Variants in CHD9 observed in about 807,000 individuals in gnomAD.
The protein encoded by CHD9 is chromodomain helicase DNA binding protein 9.
Under a neutral mutation model 316.1 loss-of-function variants are expected in CHD9, and 77 were observed. The ratio of observed to expected loss-of-function variants is 0.24; its 90% CI spans 0.20 to 0.29. The LOEUF (loss-of-function observed/expected upper bound fraction) is 0.29. CHD9 is among the 10% of genes least tolerant of loss of function. The pLI is 1.00. For missense variants in CHD9, 2,763 were observed against 3,438.1 expected, an observed-to-expected ratio of 0.80 and a Z score of 4.91; for synonymous variants, 1,129 against 1,158.3, an observed-to-expected ratio of 0.97 and a Z score of 0.51.
intron 1 of CHD9, among the ~76,000 whole-genome samples, chr16:53,082,400 A>G (rs779138143): frequency 6.6e-6 from 1 of 151,886 alleles, no homozygotes; most frequent in Non-Finnish European, 1.5e-5. Context: ...GCCACACCCA[A>G]CTAATTTTTA....
At chr16:53,215,575 T>A (rs1318343476) in intron 3 of CHD9, among the ~76,000 whole-genome samples, 4 of 152,222 alleles carry the variant, frequency 2.6e-5, no homozygotes, top group African/African-American at 9.6e-5. Flanking sequence ...GACTTAAAAA[T>A]AGGCTCAGTA....
At chr16:53,148,121 C>T (rs1260347902) in intron 1 of CHD9, among the ~76,000 whole-genome samples, 1 of 152,064 alleles carries the variant, frequency 6.6e-6, no homozygotes, top group African/African-American at 2.4e-5. Context: ...GTAGGAGAAT[C>T]GTTTGAATCC....
At chr16:53,292,537 T>G (rs1388816681) in intron 28 of CHD9, among the ~76,000 whole-genome samples, 2 of 152,224 alleles carry the variant, frequency 1.3e-5, no homozygotes, top group Non-Finnish European at 2.9e-5. Flanking sequence ...GGCTTTTAGT[T>G]TATTTAAGTT....
chr16:53,318,997 TG>T (rs2057078390), intron 37 of CHD9, among the ~76,000 whole-genome samples: 1 of 152,240 alleles, frequency 6.6e-6, no homozygotes, highest in Non-Finnish European at 1.5e-5. Context: ...ATGCCACCTT[TG>T]TGGCTTATCT....
At chr16:53,280,583 G>T (rs1346940525) in intron 24 of CHD9, among the ~76,000 whole-genome samples, 1 of 151,720 alleles carries the variant, frequency 6.6e-6, no homozygotes, top group Non-Finnish European at 1.5e-5. Flanking sequence ...TATACTGCTC[G>T]GGAGATGGGT....
chr16:53,064,335 T>A (rs2033285338), intron 1 of CHD9, among the ~76,000 whole-genome samples: 1 of 152,222 alleles, frequency 6.6e-6, no homozygotes, highest in Non-Finnish European at 1.5e-5. Flanking sequence ...CTCTTCTTTA[T>A]TCTTGTTTCT....
chr16:53,115,489 C>T (rs1292621087), intron 1 of CHD9, among the ~76,000 whole-genome samples: 1 of 152,208 alleles, frequency 6.6e-6, no homozygotes, highest in Non-Finnish European at 1.5e-5. Context: ...TATTATTTTG[C>T]CAGTAATGGC....
intron 3 of CHD9, among the ~76,000 whole-genome samples, chr16:53,218,791 GAT>G (rs1462399095): frequency 6.6e-6 from 1 of 152,108 alleles, no homozygotes; most frequent in East Asian, 1.9e-4. Context: ...TTTCATGGGA[GAT>G]TGTTATTTAA....
intron 17 of CHD9, among the ~76,000 whole-genome samples, chr16:53,252,909 C>T (rs772935022): frequency 2.6e-5 from 4 of 151,956 alleles, no homozygotes; most frequent in African/African-American, 9.7e-5. Flanking sequence ...AAGATGTTGG[C>T]GTGGGTGCAG....
chr16:53,265,648 T>C (rs544557576), intron 20 of CHD9, among the ~76,000 whole-genome samples: 30 of 152,262 alleles, frequency 2.0e-4, no homozygotes, highest in African/African-American at 7.2e-4. Context: ...AACTCTAATT[T>C]GTGATAAAAG....
chr16:53,166,142 T>C (rs974636971), intron 2 of CHD9, among the ~76,000 whole-genome samples: 7 of 152,198 alleles, frequency 4.6e-5, no homozygotes, highest in African/African-American at 1.7e-4. Flanking sequence ...TAAAATGTTC[T>C]ATTTTAACTG....
chr16:53,197,606 A>G (rs143971643), intron 2 of CHD9, among the ~76,000 whole-genome samples: 200 of 151,402 alleles, frequency 1.3e-3, no homozygotes, highest in African/African-American at 4.7e-3. Flanking sequence ...CCAGAATTGA[A>G]TGGGACTAAG....
chr16:53,235,100 G>A (rs541912826), intron 10 of CHD9, 85 bp from the exon 11 acceptor site: 3 of 1,102,242 alleles, frequency 2.7e-6, no homozygotes, highest in African/African-American at 3.2e-5. Flanking sequence ...ATGCCTCTTA[G>A]GGTTATTTTT....
intron 5 of CHD9, 73 bp downstream of exon 5, chr16:53,226,585 T>G: frequency 6.6e-7 from 1 of 1,513,672 alleles, no homozygotes; most frequent in East Asian, 2.4e-5. Context: ...TGCATTGTTT[T>G]TCCTACTAAA....
chr16:53,152,425 A>G lies in CHD9; in HGVS notation c.-164-3501A>G, dbSNP rs188889124. On this transcript the variant is annotated intron_variant, in intron 1 of 38. Transcript: ENST00000447540. ...CTGTCTAGTCTGTCATTTTGCTGGC[A>G]TCACTCTCTCATGCTTGGCTTTTTA... is the stretch of plus-strand genomic sequence containing the variant. Among the ~76,000 whole-genome samples, 7 of 152,322 alleles carry G rather than the reference A, an allele frequency of 4.6e-5. No individual in the cohort carries two copies. In the East Asian group the frequency reaches 1.3e-3, roughly 29 times the overall value.
intron 38 of CHD9, among the ~76,000 whole-genome samples, 190 bp from the exon 39 acceptor site, chr16:53,323,830 A>T (rs1284008360): frequency 2.6e-5 from 4 of 152,170 alleles, no homozygotes; most frequent in Non-Finnish European, 5.9e-5. Flanking sequence ...TAAAATGAAA[A>T]GTGGAAGAGC....
At chr16:53,183,264 G>C (rs887210987) in intron 2 of CHD9, among the ~76,000 whole-genome samples, 2 of 152,100 alleles carry the variant, frequency 1.3e-5, no homozygotes, top group African/African-American at 4.8e-5. Flanking sequence ...AAACATTATG[G>C]ATAACCATTG....
intron 1 of CHD9, among the ~76,000 whole-genome samples, chr16:53,114,291 T>C (rs550721642): frequency 6.6e-6 from 1 of 152,320 alleles, no homozygotes; most frequent in Admixed American, 6.5e-5. Context: ...GGAGTCTCGC[T>C]CTGTTGCCCA....
chr16:53,212,807 C>G (rs956382721), intron 3 of CHD9, among the ~76,000 whole-genome samples: 13 of 152,172 alleles, frequency 8.5e-5, no homozygotes, highest in Admixed American at 2.0e-4. Context: ...CTAACATCCT[C>G]ATGCTTTAGG....
Sources: gnomAD v4.1 joint callset for allele counts (sites outside exome capture counted in the v4.1 genomes callset) on GRCh38, gnomAD v4.1.1 for gene constraint, MANE v1.5 for transcripts, NCBI Gene and HGNC (gene_info 2026-07-23, HGNC 2026-07-21) for gene names.